The following GPHN variants were observed in gnomAD, a reference collection of about 807,000 sequenced individuals.
The protein encoded by GPHN is gephyrin.
GPHN carries 17 observed loss-of-function variants against 95.5 expected under a neutral mutation model. That is an observed-to-expected ratio of 0.18 (90% CI 0.12 to 0.27). The LOEUF (loss-of-function observed/expected upper bound fraction) is 0.27, where lower values mean the gene tolerates loss of function less well. Ranked by LOEUF, GPHN falls within the 10% of genes least tolerant of loss-of-function variation. The probability of loss-of-function intolerance (pLI) is 1.00; values close to 1 mark genes in which losing one functional copy is unlikely to be tolerated. For synonymous variants in GPHN, 320 were observed against 322.5 expected, an observed-to-expected ratio of 0.99 and a Z score of 0.08; for missense variants, 660 against 978.1, an observed-to-expected ratio of 0.67 and a Z score of 4.34.
chr14:66,634,087 A>T (rs1381221277), intron 1 of GPHN, among the ~76,000 whole-genome samples: 11 of 151,580 alleles, frequency 7.3e-5, no homozygotes, highest in Admixed American at 7.2e-4. Context: ...TTATAAACTC[A>T]TTTTCAGGCA....
At chr14:66,565,263 T>G (rs2060414290) in intron 1 of GPHN, among the ~76,000 whole-genome samples, 1 of 152,072 alleles carries the variant, frequency 6.6e-6, no homozygotes, top group South Asian at 2.1e-4. Flanking sequence ...TAGCCAGCAG[T>G]GAGTAGCTTA....
At chr14:66,960,517 T>C (rs1260838461) in intron 8 of GPHN, among the ~76,000 whole-genome samples, 1 of 152,120 alleles carries the variant, frequency 6.6e-6, no homozygotes, top group Non-Finnish European at 1.5e-5. Context: ...TAACCTCTGA[T>C]GTTTCTGTTG....
At chr14:66,847,767 G>C (rs531592169) in intron 4 of GPHN, among the ~76,000 whole-genome samples, 2 of 151,978 alleles carry the variant, frequency 1.3e-5, no homozygotes, top group Admixed American at 6.6e-5. Flanking sequence ...TGAAACTTTT[G>C]TGAAGTTTCA....
At chr14:67,248,649 C>T in the GPHN span, among the ~76,000 whole-genome samples, 1 of 152,062 alleles carries the variant, frequency 6.6e-6, no homozygotes, top group Middle Eastern at 3.2e-3. Flanking sequence ...CAACAACTTT[C>T]GGTAAGTATT....
the GPHN span, among the ~76,000 whole-genome samples, chr14:67,227,168 G>A: frequency 1.3e-5 from 2 of 151,880 alleles, no homozygotes; most frequent in Admixed American, 6.6e-5. Flanking sequence ...CCAGCTGGGC[G>A]TGGTGGCTCA....
chr14:66,732,986 G>A (rs954376538), intron 2 of GPHN, among the ~76,000 whole-genome samples: 4 of 152,132 alleles, frequency 2.6e-5, no homozygotes, highest in Non-Finnish European at 4.4e-5. Flanking sequence ...GTGAGGCCAG[G>A]GGTGGAATGA....
chr14:67,373,435 T>G, the GPHN span, among the ~76,000 whole-genome samples: 1 of 152,208 alleles, frequency 6.6e-6, no homozygotes, highest in Non-Finnish European at 1.5e-5. Flanking sequence ...TGAAAGGGCA[T>G]TTGACAAAAT....
the GPHN span, chr14:67,302,104 C>A: frequency 6.2e-7 from 1 of 1,601,036 alleles, no homozygotes; most frequent in Non-Finnish European, 8.5e-7. Context: ...AGAAAAGGCT[C>A]GTGATATTCC....
In GPHN at chr14:67,149,608, A is replaced by T. The variant is rs1340058063; in HGVS notation, c.1836+6159A>T. On this transcript the variant is annotated intron_variant, in intron 18 of 22. Coordinates refer to ENST00000478722, the MANE Select transcript of GPHN (RefSeq NM_020806.5). ...ATTTTTCCTTGAAAAACAAAAGAAC[A>T]CTTATAGTTATACTTCTCTGTCATT... 2.0e-5 allele frequency among the ~76,000 whole-genome samples: 3 copies of T among 152,178 alleles called. No homozygotes were observed. In the East Asian group the frequency reaches 5.8e-4, roughly 29 times the overall value.
chr14:67,318,544 T>C, the GPHN span, among the ~76,000 whole-genome samples: 49 of 152,318 alleles, frequency 3.2e-4, no homozygotes, highest in South Asian at 9.9e-3. Flanking sequence ...TAAATTAAAA[T>C]GCTACCAGTC....
At chr14:67,650,950 C>G in the GPHN span, 1 of 1,597,924 alleles carries the variant, frequency 6.3e-7, no homozygotes, top group South Asian at 1.1e-5. Flanking sequence ...TGTTTCACAA[C>G]AGGCATTCCA....
chr14:66,944,395 C>T (rs2874025), intron 8 of GPHN, among the ~76,000 whole-genome samples: 10,518 of 152,282 alleles, frequency 0.069, 533 homozygotes, highest in Non-Finnish European at 0.11. Context: ...ACAGGCTTTG[C>T]TCCCAAGGAC....
chr14:66,561,431 TATTCTGTATTCTGTCG>T (rs1459686621), intron 1 of GPHN, among the ~76,000 whole-genome samples: 1 of 152,166 alleles, frequency 6.6e-6, no homozygotes, highest in African/African-American at 2.4e-5. Context: ...GTTATTGGTC[TATTCTGTATTCTGTCG>T]AATCCTGAGG....
intron 9 of GPHN, among the ~76,000 whole-genome samples, chr14:67,007,913 C>G (rs746781759): frequency 1.6e-4 from 25 of 152,104 alleles, no homozygotes; most frequent in Non-Finnish European, 2.9e-4. Context: ...GGAAACTAGA[C>G]TCGTTTTTCA....
At chr14:66,614,947 A>G (rs538732090) in intron 1 of GPHN, among the ~76,000 whole-genome samples, 2 of 152,214 alleles carry the variant, frequency 1.3e-5, no homozygotes, top group South Asian at 4.1e-4. Flanking sequence ...ACTCCCACTT[A>G]TGAGTGAGAA....
chr14:66,681,014 A>G (rs1290498233), intron 1 of GPHN, 93 bp from the exon 2 acceptor site: 12 of 739,404 alleles, frequency 1.6e-5, no homozygotes, highest in South Asian at 3.1e-5. Flanking sequence ...AAAAAAAGCT[A>G]TTTTTCATTT....
the GPHN span, among the ~76,000 whole-genome samples, chr14:67,511,668 G>A: frequency 1.3e-5 from 2 of 152,206 alleles, no homozygotes; most frequent in African/African-American, 4.8e-5. Context: ...TCAGAGGAGG[G>A]TGGAAAGTCG....
At chr14:66,924,359 A>T (rs2066371175) in intron 8 of GPHN, 67 bp downstream of exon 8, 1 of 861,368 alleles carries the variant, frequency 1.2e-6, no homozygotes, top group South Asian at 1.4e-5. Context: ...CCTTGGAGAT[A>T]GGCTGTAACA....
At chr14:66,937,784 T>A (rs539539224) in intron 8 of GPHN, among the ~76,000 whole-genome samples, 1 of 152,338 alleles carries the variant, frequency 6.6e-6, no homozygotes, top group South Asian at 2.1e-4. Context: ...TCAGATTCTA[T>A]TAGGTTGTTA....
Sources: allele counts gnomAD v4.1 joint callset (sites outside exome capture counted in the v4.1 genomes callset), GRCh38; gene constraint gnomAD v4.1.1; transcripts MANE v1.5; gene names NCBI Gene and HGNC (gene_info 2026-07-23, HGNC 2026-07-21).